Variants in RMST observed in about 807,000 individuals in gnomAD.
RMST encodes rhabdomyosarcoma 2 associated transcript, also known as long intergenic non-protein coding RNA 54.
chr12:97,512,062 G>A (rs1287705079), intron 10 of RMST, among the ~76,000 whole-genome samples: 4 of 152,164 alleles, frequency 2.6e-5, no homozygotes, highest in African/African-American at 9.7e-5. Context: ...ATGTTCAGAT[G>A]TGTTCGGAGT....
intron 10 of RMST, among the ~76,000 whole-genome samples, chr12:97,521,811 A>G (rs1035685495): frequency 2.0e-5 from 3 of 152,124 alleles, no homozygotes; most frequent in African/African-American, 7.2e-5. Context: ...TCTCTCCACA[A>G]ACTGAGATGT....
At chr12:97,525,356 A>G (rs925072569) in intron 10 of RMST, among the ~76,000 whole-genome samples, 8 of 152,184 alleles carry the variant, frequency 5.3e-5, no homozygotes, top group African/African-American at 1.9e-4. Context: ...CTGCTGATCA[A>G]CTAGGTAGGC....
At chr12:97,533,140 C>T (rs933009167) in intron 11 of RMST, 1 of 151,534 alleles carries the variant, frequency 6.6e-6, no homozygotes, top group Admixed American at 6.6e-5. Flanking sequence ...AGGAAGAGTC[C>T]CAAGCACTAC....
intron 11 of RMST, among the ~76,000 whole-genome samples, chr12:97,538,822 G>C (rs1882290751): frequency 6.6e-6 from 1 of 151,314 alleles, no homozygotes; most frequent in South Asian, 2.1e-4. Flanking sequence ...AACAGGTTTA[G>C]ATCCTGCAGA....
intron 5 of RMST, among the ~76,000 whole-genome samples, chr12:97,476,132 T>C (rs1007379169): frequency 6.6e-6 from 1 of 152,150 alleles, no homozygotes; most frequent in Non-Finnish European, 1.5e-5. Flanking sequence ...ATAAGGCAAT[T>C]TTTATACCTT....
intron 10 of RMST, among the ~76,000 whole-genome samples, chr12:97,529,360 T>C (rs1223544593): frequency 2.6e-5 from 4 of 152,106 alleles, no homozygotes; most frequent in Non-Finnish European, 5.9e-5. Flanking sequence ...AGGATATGTG[T>C]CATGAATTAT....
intron 11 of RMST, among the ~76,000 whole-genome samples, chr12:97,559,349 G>A (rs979770109): frequency 6.6e-6 from 1 of 152,152 alleles, no homozygotes; most frequent in Non-Finnish European, 1.5e-5. Context: ...GGAAATGACA[G>A]CATTGGCTTT....
chr12:97,483,837 A>G (rs908265321), intron 5 of RMST, among the ~76,000 whole-genome samples: 10 of 152,200 alleles, frequency 6.6e-5, no homozygotes, highest in Non-Finnish European at 1.5e-4. Flanking sequence ...AAGTGGGACA[A>G]TATTATACTT....
intron 10 of RMST, among the ~76,000 whole-genome samples, chr12:97,511,963 C>G (rs1220754839): frequency 6.6e-6 from 1 of 152,172 alleles, no homozygotes; most frequent in Non-Finnish European, 1.5e-5. Context: ...TTGGTGAGTT[C>G]TTAGTCTCAC....
chr12:97,492,982 G>T (rs866009808), intron 6 of RMST: 1 of 152,234 alleles, frequency 6.6e-6, no homozygotes, highest in Non-Finnish European at 1.5e-5. Context: ...ACCTAAGAAA[G>T]TTATGTTCAA....
At chr12:97,466,286 G>C (rs1299586244) in intron 5 of RMST, among the ~76,000 whole-genome samples, 3 of 152,004 alleles carry the variant, frequency 2.0e-5, no homozygotes, top group Non-Finnish European at 4.4e-5. Flanking sequence ...GATTTTTGAA[G>C]GTATTAAAAA....
intron 11 of RMST, among the ~76,000 whole-genome samples, chr12:97,542,499 T>C (rs1858171866): frequency 6.6e-6 from 1 of 151,930 alleles, no homozygotes; most frequent in African/African-American, 2.4e-5. Context: ...CAGTGTGGTG[T>C]CTAGATCTAG....
chr12:97,537,941 C>T (rs2136611685), intron 11 of RMST, among the ~76,000 whole-genome samples: 1 of 151,360 alleles, frequency 6.6e-6, no homozygotes, highest in East Asian at 1.9e-4. Flanking sequence ...TGACAATATG[C>T]CAGCCCTGTA....
chr12:97,559,174 T>A (rs1334642724), intron 11 of RMST, among the ~76,000 whole-genome samples: 1 of 152,000 alleles, frequency 6.6e-6, no homozygotes, highest in Non-Finnish European at 1.5e-5. Context: ...AGTTTAGGGT[T>A]CATGAATGAC....
Position 97,529,012 on chromosome 12 carries a change from C to T in RMST, n.1341-1643C>T, listed in dbSNP as rs996354719. 3.3e-5 allele frequency among the ~76,000 whole-genome samples: 5 copies of T among 151,990 alleles called. No individual in the cohort carries two copies. In the South Asian group the frequency reaches 1.0e-3, roughly 32 times the overall value. On this transcript the variant is annotated intron_variant and non_coding_transcript_variant, in intron 10 of 13. Transcript: ENST00000640149. ...TTTATGGAATCTGACTCATTTCTTA[C>T]TATCAGCCCAAGACACAAAGGATAA...
At chr12:97,474,592 T>C (rs1395913729) in intron 5 of RMST, among the ~76,000 whole-genome samples, 1 of 58,426 alleles carries the variant, frequency 1.7e-5, no homozygotes, top group African/African-American at 6.6e-5. Context: ...AAATACACAT[T>C]AAGACACACA....
intron 10 of RMST, among the ~76,000 whole-genome samples, chr12:97,508,625 T>C (rs1461456322): frequency 6.6e-6 from 1 of 152,258 alleles, no homozygotes; most frequent in Admixed American, 6.5e-5. Context: ...AACCATCCCC[T>C]TATACTGGCA....
intron 10 of RMST, among the ~76,000 whole-genome samples, chr12:97,511,340 G>A (rs1171052966): frequency 6.6e-6 from 1 of 151,866 alleles, no homozygotes; most frequent in Non-Finnish European, 1.5e-5. Flanking sequence ...GTAGACACGG[G>A]GTTTCACCAT....
At chr12:97,514,666 TG>T (rs1298054739) in intron 10 of RMST, among the ~76,000 whole-genome samples, 94 of 146,810 alleles carry the variant, frequency 6.4e-4, no homozygotes, top group African/African-American at 1.9e-3. Context: ...GAAAGTATAT[TG>T]TTTTTTTTTT....
Sources: allele counts gnomAD v4.1 joint callset (sites outside exome capture counted in the v4.1 genomes callset), GRCh38; gene constraint gnomAD v4.1.1; transcripts MANE v1.5; gene names NCBI Gene and HGNC (gene_info 2026-07-23, HGNC 2026-07-21).